DIPK1B: variants seen among roughly 807,000 people sequenced by gnomAD.
DIPK1B encodes family with sequence similarity 69 member B.
In DIPK1B, 17 loss-of-function variants were observed where a neutral mutation model predicts 20.7. That is an observed-to-expected ratio of 0.82 (90% CI 0.56 to 1.23). The LOEUF (loss-of-function observed/expected upper bound fraction) is 1.23. DIPK1B is among the 50% of genes most tolerant of loss of function. The probability of loss-of-function intolerance (pLI) is 0.00; values close to 1 mark genes in which losing one functional copy is unlikely to be tolerated. For missense variants in DIPK1B, 648 were observed against 601.8 expected, an observed-to-expected ratio of 1.08 and a Z score of -0.80; for synonymous variants, 343 against 276.5, an observed-to-expected ratio of 1.24 and a Z score of -2.39.
At chr9:136,719,858 C>G (rs1846566267) in intron 2 of DIPK1B, among the ~76,000 whole-genome samples, 1 of 151,868 alleles carries the variant, frequency 6.6e-6, no homozygotes, top group South Asian at 2.1e-4. Context: ...GCTCCGGGCA[C>G]AGGGGCTGGT....
chr9:136,716,350 T>G (rs895741643), intron 1 of DIPK1B, among the ~76,000 whole-genome samples: 1 of 149,900 alleles, frequency 6.7e-6, no homozygotes, highest in African/African-American at 2.5e-5. Flanking sequence ...TCACTGCAGC[T>G]TCAACCTCCC....
chr9:136,718,289 C>T (rs532892688), intron 2 of DIPK1B, among the ~76,000 whole-genome samples: 1 of 151,758 alleles, frequency 6.6e-6, no homozygotes, highest in South Asian at 2.1e-4. Flanking sequence ...GGATAGAGAC[C>T]CCCGTGTGCT....
chr9:136,715,133 AG>A (rs745405329), intron 1 of DIPK1B, among the ~76,000 whole-genome samples: 94 of 152,324 alleles, frequency 6.2e-4, no homozygotes, highest in Middle Eastern at 3.4e-3. Flanking sequence ...AGGAGGCCAC[AG>A]GGAGTGCTTG....
chr9:136,717,745 C>T (rs367773908), intron 2 of DIPK1B, 34 bp downstream of exon 2: 45 of 1,607,482 alleles, frequency 2.8e-5, no homozygotes, highest in Middle Eastern at 1.7e-4. Context: ...GGGACTGGGC[C>T]GTGCCCCCTG....
intron 1 of DIPK1B, among the ~76,000 whole-genome samples, chr9:136,717,212 G>A (rs1287976705): frequency 1.3e-5 from 2 of 150,290 alleles, no homozygotes; most frequent in Admixed American, 1.3e-4. Flanking sequence ...CTGGGCTACA[G>A]AGTAAGACTC....
rs1276647782 is a variant in DIPK1B at position 136,723,021 on chromosome 9, T to C, written c.543T>C (p.Ala181=). 1.2e-6 allele frequency: 2 copies of C among 1,613,406 alleles called. No individual in the cohort carries two copies. The highest frequency in any genetic ancestry group is 1.7e-5 in the Admixed American group (1 of 60,024). ...PALVGQVLLM[A]DFNKDNRVSL... is the part of the protein sequence containing the mutation. ...TGGTTGGCCAGGTCCTGCTCATGGC[T>C]GACTTCAACAAGGACAACCGGGTGT... Residue 181 remains alanine (A), a synonymous_variant, in exon 5 of 5, where the codon GCT becomes GCC. Transcript: ENST00000371692.
Position 136,722,820 on chromosome 9 carries a change from G to T in DIPK1B, c.484-142G>T, listed in dbSNP as rs750636741. ...GCTGGCTGCGTCCTCCACCCGTGTA[G>T]CTGTGGGCTGGGACCCCTAACCTGG... On this transcript the variant is annotated intron_variant, in intron 4 of 4. Transcript: ENST00000371692. 6 of 796,476 alleles carry T rather than the reference G, an allele frequency of 7.5e-6. No homozygotes were observed. In the African/African-American group the frequency reaches 1.0e-4, roughly 14 times the overall value. The allele number at this position is 796,476 out of a possible 1,614,324, so 49.3% of individuals were successfully genotyped here.
chr9:136,718,182 ACCG>A (rs1564307816), intron 2 of DIPK1B, among the ~76,000 whole-genome samples: 4 of 143,526 alleles, frequency 2.8e-5, no homozygotes, highest in Non-Finnish European at 1.5e-5. Context: ...GATAGAGACC[ACCG>A]TGTGCTGGCC....
At chr9:136,721,474 G>A (rs58621097) in intron 2 of DIPK1B, 3,141 of 181,158 alleles carry the variant, frequency 0.017, 101 homozygotes, top group African/African-American at 0.07. Flanking sequence ...GGCAGAGAGC[G>A]CGCGTGTGGC....
rs1846660706 is a variant in DIPK1B, at chr9:136,723,798, C to T, written c.*24C>T. On this transcript the variant is annotated 3_prime_UTR_variant, in exon 5 of 5. Transcript: ENST00000371692. ...GATGGGGCAGTGAGGGGCCTGGCCACCCTTCCTGGAGCTGGCCAGGTGCCA... is the reference window on the plus strand; with the variant it reads ...GATGGGGCAGTGAGGGGCCTGGCCATCCTTCCTGGAGCTGGCCAGGTGCCA... 3.3e-6 allele frequency: 5 copies of T among 1,528,604 alleles called. No homozygotes were observed. 94.7% of individuals were successfully genotyped at this position (1,528,604 alleles called of 1,614,324 possible). A position where few individuals can be genotyped will look rare whatever the true frequency, so the allele number is the denominator to read the frequency against.
chr9:136,719,898 T>G (rs1211699203), intron 2 of DIPK1B, among the ~76,000 whole-genome samples: 1 of 138,916 alleles, frequency 7.2e-6, no homozygotes, highest in African/African-American at 2.7e-5. Flanking sequence ...GGCTGTGTGA[T>G]CTGGGGCTCC....
chr9:136,721,682 C>T, intron 2 of DIPK1B: 1 of 532,260 alleles, frequency 1.9e-6, no homozygotes, highest in African/African-American at 1.9e-5. Flanking sequence ...GTTACAGGAG[C>T]CAGGATGGTG....
In DIPK1B at chr9:136,723,083, A is replaced by G; in HGVS notation, c.605A>G (p.Gln202Arg). ...AEAKSVWALL[Q>R]RNEFLLLLSL... ...GCCAAGTCCGTGTGGGCCCTGCTGC[A>G]GCGTAACGAGTTCCTGCTGCTGCTG... Residue 202 changes from glutamine (Q) to arginine (R), a missense_variant, in exon 5 of 5, where the codon CAG becomes CGG. Transcript: ENST00000371692. 1 of 1,613,596 alleles carries G rather than the reference A, an allele frequency of 6.2e-7. No homozygotes were observed. Among genetic ancestry groups the G allele is most frequent in the Middle Eastern group, 1.6e-4 (1 of 6,062 alleles).
rs1467290326 is a variant in DIPK1B at position 136,712,781 on chromosome 9, A to C, written c.63+53A>C. ...CGGCCGCCTCTGCCTGGGGAGGCCG[A>C]GCTCCAGCCCCGGAGTGGGCCGAGT... is the stretch of plus-strand genomic sequence containing the variant. On this transcript the variant is annotated intron_variant, in intron 1 of 4. Transcript: ENST00000371692. This position sits in a 1 kb window ranked among gnomAD's most constrained non-coding sequence, Gnocchi z 5.6. The C allele has an allele frequency of 2.1e-5, 26 of 1,243,920 alleles. No individual in the cohort carries two copies. The highest frequency in any genetic ancestry group is 2.3e-5 in the Non-Finnish European group (23 of 981,042). 77.1% of individuals were successfully genotyped at this position (1,243,920 alleles called of 1,614,324 possible). A position where few individuals can be genotyped will look rare whatever the true frequency, so the allele number is the denominator to read the frequency against.
chr9:136,721,737 C>A (rs533564523), intron 2 of DIPK1B, 184 bp from the exon 3 acceptor site: 9 of 602,666 alleles, frequency 1.5e-5, no homozygotes, highest in Admixed American at 3.0e-5. Flanking sequence ...CCCCTGCAGC[C>A]GACAGCCCCA....
At chr9:136,716,321 T>C (rs1203582967) in intron 1 of DIPK1B, among the ~76,000 whole-genome samples, 1 of 142,090 alleles carries the variant, frequency 7.0e-6, no homozygotes, top group East Asian at 2.1e-4. Flanking sequence ...CAGGCTGGAG[T>C]GTAGCGTGGG....
rs1334593296 is a variant in DIPK1B at position 136,712,827 on chromosome 9, C to G, written c.63+99C>G. ...CGAGTACGGAGCGGGGCCCCGGGTT[C>G]GGACACGAAGGGTTCATGAGCCCGG... is the stretch of plus-strand genomic sequence containing the variant. On this transcript the variant is annotated intron_variant, in intron 1 of 4. Transcript: ENST00000371692. This position sits in a 1 kb window ranked among gnomAD's most constrained non-coding sequence, Gnocchi z 5.6. 2.4e-6 allele frequency: 2 copies of G among 839,122 alleles called. No individual in the cohort carries two copies. Among genetic ancestry groups the G allele is most frequent in the African/African-American group, 3.6e-5 (2 of 55,294 alleles). 52.0% of individuals were successfully genotyped at this position (839,122 alleles called of 1,614,324 possible). A position where few individuals can be genotyped will look rare whatever the true frequency, so the allele number is the denominator to read the frequency against.
chr9:136,716,372 A>G (rs1464154585), intron 1 of DIPK1B, among the ~76,000 whole-genome samples: 1 of 149,962 alleles, frequency 6.7e-6, no homozygotes, highest in African/African-American at 2.5e-5. Context: ...GGTTCAATCA[A>G]TCCTCCAGCC....
rs553447644 is a variant in DIPK1B, at chr9:136,723,126, G to A, written c.648G>A (p.Glu216=). Reference sequence around the variant, plus strand: ...TGCTGCTGTCCCTGCAGGAGAAGGAGCACGCCTCCAGACTGCTGGGCTACT... The same window carrying A: ...TGCTGCTGTCCCTGCAGGAGAAGGAACACGCCTCCAGACTGCTGGGCTACT... The part of the protein sequence containing the change: ...FLLLLSLQEK[E]HASRLLGYCG... The change falls in exon 5 of 5, where the codon GAG becomes GAA. Residue 216 remains glutamate (E), a synonymous_variant. Coordinates refer to ENST00000371692, the MANE Select transcript of DIPK1B (RefSeq NM_152421.4). The A allele has an allele frequency of 1.9e-6, 3 of 1,613,528 alleles. No homozygotes were observed. Among genetic ancestry groups the A allele is most frequent in the African/African-American group, 2.7e-5 (2 of 75,054 alleles).
Sources: gnomAD v4.1 joint callset for allele counts (sites outside exome capture counted in the v4.1 genomes callset) on GRCh38, gnomAD v4.1.1 for gene constraint, Gnocchi (gnomAD v3.1) non-coding constraint, MANE v1.5 for transcripts, NCBI Gene and HGNC (gene_info 2026-07-23, HGNC 2026-07-21) for gene names.